PGCKA1: variants seen among roughly 807,000 people sequenced by gnomAD.
PGCKA1 encodes the protein PDCD10 and GCKIII kinases-associated protein 1.
chr4:37,494,842 A>G, the PGCKA1 span, among the ~76,000 whole-genome samples: 6 of 151,964 alleles, frequency 3.9e-5, no homozygotes, highest in East Asian at 3.9e-4. Flanking sequence ...ATGGTATCTC[A>G]TTATGGTTTT....
the PGCKA1 span, among the ~76,000 whole-genome samples, chr4:37,542,406 A>T: frequency 1.3e-5 from 2 of 152,234 alleles, no homozygotes; most frequent in African/African-American, 4.8e-5. Context: ...ATTCCATTCC[A>T]TGTACAGATA....
the PGCKA1 span, among the ~76,000 whole-genome samples, chr4:37,570,000 G>T: frequency 1.0e-4 from 6 of 59,702 alleles, no homozygotes; most frequent in Non-Finnish European, 1.6e-4. Context: ...TTTTTTTTGA[G>T]ACGGAGTCTC....
the PGCKA1 span, among the ~76,000 whole-genome samples, chr4:37,463,024 A>G: frequency 2.0e-5 from 3 of 151,514 alleles, no homozygotes; most frequent in Admixed American, 2.0e-4. Context: ...AGGGGTCTTC[A>G]GTGGTCCAAA....
chr4:37,568,448 CT>C, the PGCKA1 span, among the ~76,000 whole-genome samples: 3 of 152,370 alleles, frequency 2.0e-5, no homozygotes, highest in South Asian at 6.2e-4. Context: ...CATCAGGAGT[CT>C]CCCTGGTCTG....
the PGCKA1 span, among the ~76,000 whole-genome samples, chr4:37,509,640 G>A: frequency 5.1e-3 from 770 of 151,234 alleles, 3 homozygotes; most frequent in Middle Eastern, 0.01. Flanking sequence ...GTAGCGAGCC[G>A]AGATCACGCC....
At chr4:37,485,931 T>C in the PGCKA1 span, among the ~76,000 whole-genome samples, 1 of 152,204 alleles carries the variant, frequency 6.6e-6, no homozygotes, top group East Asian at 1.9e-4. Flanking sequence ...CTAGTCTAGC[T>C]CTGGCAGGTT....
chr4:37,546,470 A>G, the PGCKA1 span, among the ~76,000 whole-genome samples: 5,550 of 152,278 alleles, frequency 0.036, 335 homozygotes, highest in African/African-American at 0.13. Context: ...CACCTGTCAC[A>G]TGTCCCCTAG....
chr4:37,525,681 A>G, the PGCKA1 span, among the ~76,000 whole-genome samples: 1 of 152,312 alleles, frequency 6.6e-6, no homozygotes, highest in East Asian at 1.9e-4. Flanking sequence ...AGGCACCAGA[A>G]ATCATATAAT....
the PGCKA1 span, among the ~76,000 whole-genome samples, chr4:37,552,097 C>T: frequency 6.6e-6 from 1 of 152,176 alleles, no homozygotes; most frequent in African/African-American, 2.4e-5. Context: ...CGGGGCCAGG[C>T]CCAAAACCAG....
At chr4:37,539,551 G>A in the PGCKA1 span, among the ~76,000 whole-genome samples, 1 of 152,204 alleles carries the variant, frequency 6.6e-6, no homozygotes, top group Admixed American at 6.5e-5. Context: ...CTACTCCAGA[G>A]GCTGAGGCAG....
chr4:37,463,412 T>C, the PGCKA1 span, among the ~76,000 whole-genome samples: 1 of 152,246 alleles, frequency 6.6e-6, no homozygotes, highest in African/African-American at 2.4e-5. Context: ...CATTCTCTTT[T>C]AAACTTGACA....
At chr4:37,479,557 A>G in the PGCKA1 span, among the ~76,000 whole-genome samples, 1 of 152,206 alleles carries the variant, frequency 6.6e-6, no homozygotes, top group Non-Finnish European at 1.5e-5. Context: ...TAGTAGAAAG[A>G]TTTGATCCAA....
At chr4:37,548,058 T>G in the PGCKA1 span, among the ~76,000 whole-genome samples, 1 of 149,842 alleles carries the variant, frequency 6.7e-6, no homozygotes, top group Non-Finnish European at 1.5e-5. Context: ...AAGAGTGTTA[T>G]ATGGTAAATT....
At chr4:37,538,604 AG>A in the PGCKA1 span, among the ~76,000 whole-genome samples, 1 of 152,224 alleles carries the variant, frequency 6.6e-6, no homozygotes, top group African/African-American at 2.4e-5. Context: ...TGTTTGGAAA[AG>A]AAGGGTTTCT....
At chr4:37,526,896 G>A in the PGCKA1 span, among the ~76,000 whole-genome samples, 3 of 152,014 alleles carry the variant, frequency 2.0e-5, no homozygotes, top group South Asian at 6.2e-4. Flanking sequence ...ACAGCCTCAG[G>A]CAGGTCCTTC....
chr4:37,488,245 A>G, the PGCKA1 span, among the ~76,000 whole-genome samples: 90 of 152,336 alleles, frequency 5.9e-4, no homozygotes, highest in South Asian at 9.7e-3. Flanking sequence ...CCATATGCTT[A>G]AAGGCAGTGT....
the PGCKA1 span, among the ~76,000 whole-genome samples, chr4:37,532,903 G>A: frequency 9.7e-6 from 1 of 103,544 alleles, no homozygotes; most frequent in African/African-American, 3.2e-5. Context: ...GTGTGTGTAT[G>A]TACTATGTTT....
chr4:37,559,514 C>T, the PGCKA1 span, among the ~76,000 whole-genome samples: 1 of 151,538 alleles, frequency 6.6e-6, no homozygotes, highest in East Asian at 1.9e-4. Flanking sequence ...TTAATGGGTG[C>T]AGCACACCAG....
the PGCKA1 span, among the ~76,000 whole-genome samples, chr4:37,513,193 A>T: frequency 2.0e-5 from 3 of 152,182 alleles, no homozygotes; most frequent in East Asian, 5.8e-4. Context: ...GCTTATTATT[A>T]GCCGGTCAGT....
Sources: gnomAD v4.1 joint callset for allele counts (sites outside exome capture counted in the v4.1 genomes callset) on GRCh38, gnomAD v4.1.1 for gene constraint, MANE v1.5 for transcripts, NCBI Gene and HGNC (gene_info 2026-07-23, HGNC 2026-07-21) for gene names.